Variants in CAMSAP2 observed in about 807,000 individuals in gnomAD.
CAMSAP2 encodes the protein calmodulin regulated spectrin associated protein family member 2.
CAMSAP2 carries 26 observed loss-of-function variants against 146.1 expected under a neutral mutation model. That is an observed-to-expected ratio of 0.18 (90% CI 0.13 to 0.25). CAMSAP2 has a LOEUF of 0.25. CAMSAP2 is among the 10% of genes least tolerant of loss of function. The pLI is 1.00. For synonymous variants in CAMSAP2, 499 were observed against 596.6 expected, an observed-to-expected ratio of 0.84 and a Z score of 2.38; for missense variants, 1,381 against 1,759.3, an observed-to-expected ratio of 0.78 and a Z score of 3.85.
At position 200,850,165 on chromosome 1, in the gene CAMSAP2, A is replaced by C; in HGVS notation, c.3396A>C (p.Lys1132Asn). Residue 1132 changes from lysine to asparagine, a missense_variant, in exon 11 of 17, where the codon AAA becomes AAC. Around this residue, in one of 4 missense-constraint regions of CAMSAP2, gnomAD observed 560 missense variants for 715.9 expected, o/e 0.78. Transcript: ENST00000358823. ...PPEKADVPVE[K>N]YDGESDKEQF... Reference sequence around the variant, plus strand: ...AAAAGGCTGATGTACCTGTTGAAAAATATGATGGAGAAAGTGATAAAGAAC... The same window carrying C: ...AAAAGGCTGATGTACCTGTTGAAAACTATGATGGAGAAAGTGATAAAGAAC... The C allele has an allele frequency of 1.2e-6, 2 of 1,605,816 alleles. No homozygotes were observed. The highest frequency in any genetic ancestry group is 1.7e-6 in the Non-Finnish European group (2 of 1,178,056).
chr1:200,803,877 G>A (rs1666099699), intron 2 of CAMSAP2, among the ~76,000 whole-genome samples: 1 of 151,834 alleles, frequency 6.6e-6, no homozygotes. Flanking sequence ...TGTTGTGTGT[G>A]CGTGTGTGTC....
At chr1:200,842,695 G>T (rs1667354878) in intron 7 of CAMSAP2, among the ~76,000 whole-genome samples, 1 of 152,060 alleles carries the variant, frequency 6.6e-6, no homozygotes, top group East Asian at 1.9e-4. Flanking sequence ...TTATTTCTAG[G>T]CTGGGTGCGG....
At chr1:200,855,724 G>A (rs1311176380) in intron 14 of CAMSAP2, among the ~76,000 whole-genome samples, 2 of 151,960 alleles carry the variant, frequency 1.3e-5, no homozygotes, top group Non-Finnish European at 2.9e-5. Context: ...AGCCTCCTGA[G>A]TAGCTGGGAT....
At chr1:200,754,413 T>TAGTAATTTATAGGGAGGTAATTC (rs1664590127) in intron 1 of CAMSAP2, among the ~76,000 whole-genome samples, 1 of 152,080 alleles carries the variant, frequency 6.6e-6, no homozygotes, top group African/African-American at 2.4e-5. Flanking sequence ...TTAAATTAAT[T>TAGTAATTTATAGGGAGGTAATTC]AGTAATTTAT....
At chr1:200,766,267 C>T (rs1178999571) in intron 2 of CAMSAP2, among the ~76,000 whole-genome samples, 1 of 151,930 alleles carries the variant, frequency 6.6e-6, no homozygotes, top group African/African-American at 2.4e-5. Flanking sequence ...CCTCAGCCTC[C>T]TGGGTAGCTG....
At chr1:200,771,172 AGGG>A (rs1037726229) in intron 2 of CAMSAP2, among the ~76,000 whole-genome samples, 15 of 152,186 alleles carry the variant, frequency 9.9e-5, no homozygotes, top group African/African-American at 3.6e-4. Context: ...AAGGGAGAAA[AGGG>A]GATTGTTTTG....
chr1:200,828,468 C>A, intron 4 of CAMSAP2: 2 of 1,056,386 alleles, frequency 1.9e-6, no homozygotes, highest in Non-Finnish European at 2.8e-6. Flanking sequence ...AAACTTGGAA[C>A]TCCACTATCA....
chr1:200,784,891 C>T (rs1665541700), intron 2 of CAMSAP2, among the ~76,000 whole-genome samples: 1 of 152,118 alleles, frequency 6.6e-6, no homozygotes, highest in South Asian at 2.1e-4. Context: ...TGAAGATGTT[C>T]TTTTTCGGGT....
In CAMSAP2 at chr1:200,844,874, A is replaced by G; in HGVS notation, c.1109+5A>G. 2 of 1,501,358 alleles carry G rather than the reference A, an allele frequency of 1.3e-6. No homozygotes were observed. Among genetic ancestry groups the G allele is most frequent in the Non-Finnish European group, 1.8e-6 (2 of 1,096,630 alleles). 93.0% of individuals were successfully genotyped at this position (1,501,358 alleles called of 1,614,324 possible). A position where few individuals can be genotyped will look rare whatever the true frequency, so the allele number is the denominator to read the frequency against. On this transcript the variant is annotated splice_donor_5th_base_variant and intron_variant, in intron 8 of 16. Transcript: ENST00000358823. ...TAGTTCTGACTTCCCTTCAAGGTAA[A>G]CTCCACAATGACTTTATTTTCACCA...
chr1:200,814,108 CAAAA>C (rs34408164), intron 3 of CAMSAP2, among the ~76,000 whole-genome samples: 40 of 28,744 alleles, frequency 1.4e-3, no homozygotes, highest in Non-Finnish European at 1.9e-3. Context: ...ACTGTGTTTC[CAAAA>C]AAAAAAAAAA....
intron 4 of CAMSAP2, chr1:200,828,650 T>A (rs948596080): frequency 2.0e-6 from 3 of 1,512,812 alleles, no homozygotes; most frequent in Non-Finnish European, 2.7e-6. Flanking sequence ...GAATTGTAAT[T>A]GTAGAATGGT....
At chr1:200,855,979 A>G in intron 14 of CAMSAP2, 31 bp from the exon 15 acceptor site, 1 of 1,451,852 alleles carries the variant, frequency 6.9e-7, no homozygotes, top group South Asian at 1.2e-5. Context: ...TCTCTGTTTG[A>G]GACATAAAAC....
At chr1:200,819,981 A>G (rs752547581) in intron 4 of CAMSAP2, among the ~76,000 whole-genome samples, 12 of 152,198 alleles carry the variant, frequency 7.9e-5, no homozygotes, top group Non-Finnish European at 1.5e-4. Flanking sequence ...TGGCAGAATC[A>G]GTTTTGAAAG....
rs374858405 is a variant in CAMSAP2, at chr1:200,832,696, T to G, written c.788-10T>G. ...CCAAAGTCACCACCTTGCTCTTTTC[T>G]TATTTGAAGATATTTGTTTGAAAGA... On this transcript the variant is annotated splice_polypyrimidine_tract_variant and intron_variant, in intron 5 of 16. Coordinates refer to ENST00000358823, the MANE Select transcript of CAMSAP2 (RefSeq NM_203459.4). The surrounding 1 kb of genome is among the most constrained non-coding windows in gnomAD (Gnocchi z 4.2). 10 of 1,588,142 alleles carry G rather than the reference T, an allele frequency of 6.3e-6. No homozygotes were observed. Among genetic ancestry groups the G allele is most frequent in the Non-Finnish European group, 8.6e-6 (10 of 1,169,550 alleles).
rs1667849978 is a variant in CAMSAP2 at position 200,860,347 on chromosome 1, A to G, written c.*2288A>G. On this transcript the variant is annotated 3_prime_UTR_variant, in exon 17 of 17. Coordinates refer to ENST00000358823, the MANE Select transcript of CAMSAP2 (RefSeq NM_203459.4). Reference sequence around the variant, plus strand: ...TTTCATCATCAGAGGTCAAATTATTATGATAACTATTCCATTAAGTTTGCC... The same window carrying G: ...TTTCATCATCAGAGGTCAAATTATTGTGATAACTATTCCATTAAGTTTGCC... 6.5e-6 allele frequency: 1 copy of G among 152,770 alleles called. No homozygotes were observed. The highest frequency in any genetic ancestry group is 2.1e-4 in the South Asian group (1 of 4,834). 9.5% of individuals were successfully genotyped at this position (152,770 alleles called of 1,614,324 possible).
rs929599021 is a variant in CAMSAP2 at position 200,853,018 on chromosome 1, C to T, written c.3603-257C>T. On this transcript the variant is annotated intron_variant, in intron 12 of 16. Coordinates refer to ENST00000358823, the MANE Select transcript of CAMSAP2 (RefSeq NM_203459.4). The surrounding 1 kb of genome is among the most constrained non-coding windows in gnomAD (Gnocchi z 5.1). Reference sequence around the variant, plus strand: ...TGGGAGATACACACACACACACACACACACACACACACGACCTAAATTATC... The same window carrying T: ...TGGGAGATACACACACACACACACATACACACACACACGACCTAAATTATC... 6.6e-6 allele frequency among the ~76,000 whole-genome samples: 1 copy of T among 151,896 alleles called. No homozygotes were observed. Among genetic ancestry groups the T allele is most frequent in the African/African-American group, 2.4e-5 (1 of 41,334 alleles).
chr1:200,828,712 G>T (rs945052429), intron 4 of CAMSAP2: 1 of 1,046,668 alleles, frequency 9.6e-7, no homozygotes, highest in African/African-American at 1.6e-5. Context: ...GTTAGTCATT[G>T]AATAGAGATT....
chr1:200,790,754 TAA>T (rs1032248467), intron 2 of CAMSAP2, among the ~76,000 whole-genome samples: 1 of 152,252 alleles, frequency 6.6e-6, no homozygotes, highest in African/African-American at 2.4e-5. Context: ...GACCAGAAAC[TAA>T]AGTCTTCTTT....
At chr1:200,807,647 C>A in intron 3 of CAMSAP2, 110 bp downstream of exon 3, 3 of 707,630 alleles carry the variant, frequency 4.2e-6, no homozygotes, top group Non-Finnish European at 6.0e-6. Flanking sequence ...AAAGTGCAAA[C>A]TTAAGTTGTA....
Sources: gnomAD v4.1 joint callset for allele counts (sites outside exome capture counted in the v4.1 genomes callset) on GRCh38, gnomAD v4.1.1 for gene constraint, gnomAD v4.1.1 regional missense constraint, Gnocchi (gnomAD v3.1) non-coding constraint, MANE v1.5 for transcripts, NCBI Gene and HGNC (gene_info 2026-07-23, HGNC 2026-07-21) for gene names.